RXRG: variants seen among roughly 807,000 people sequenced by gnomAD.
RXRG encodes retinoid X receptor gamma.
A neutral mutation model predicts 49.2 loss-of-function variants in RXRG; 19 were observed. The ratio of observed to expected loss-of-function variants is 0.39; its 90% CI spans 0.27 to 0.57. RXRG has a LOEUF of 0.57. RXRG is among the 20% of genes least tolerant of loss of function. RXRG has a pLI of 0.64. For synonymous variants in RXRG, 224 were observed against 216.6 expected (o/e 1.03, Z -0.30); for missense variants, 452 against 592.5 (o/e 0.76, Z 2.46).
intron 1 of RXRG, among the ~76,000 whole-genome samples, 187 bp from the exon 2 acceptor site, chr1:165,429,153 G>A (rs1658592515): frequency 6.6e-6 from 1 of 152,194 alleles, no homozygotes; most frequent in Non-Finnish European, 1.5e-5. Context: ...GAGGGACACA[G>A]AGGGGAGAGG....
chr1:165,412,166 C>T (rs1391538157), intron 4 of RXRG, among the ~76,000 whole-genome samples: 3 of 152,234 alleles, frequency 2.0e-5, no homozygotes, highest in Middle Eastern at 3.4e-3. Flanking sequence ...GGACTGGAAT[C>T]GCAATGCCGA....
At chr1:165,407,931 A>T (rs551259250) in intron 8 of RXRG, among the ~76,000 whole-genome samples, 2 of 151,886 alleles carry the variant, frequency 1.3e-5, no homozygotes, top group Non-Finnish European at 2.9e-5. Context: ...TCAGCAAATC[A>T]CAGTGGCTTT....
chr1:165,443,775 C>T (rs1659075756), intron 1 of RXRG, among the ~76,000 whole-genome samples: 3 of 152,232 alleles, frequency 2.0e-5, no homozygotes, highest in Non-Finnish European at 2.9e-5. Context: ...CCAGGGGGTT[C>T]TGCCCAGCCA....
chr1:165,413,022 C>T (rs894994877), intron 4 of RXRG, among the ~76,000 whole-genome samples: 9 of 152,180 alleles, frequency 5.9e-5, no homozygotes, highest in African/African-American at 1.4e-4. Context: ...TTGTAACACT[C>T]AAGGAAAATA....
intron 7 of RXRG, 74 bp downstream of exon 7, chr1:165,409,484 C>G: frequency 8.2e-7 from 1 of 1,222,246 alleles, no homozygotes; most frequent in Non-Finnish European, 1.0e-6. Flanking sequence ...TGTATGTACA[C>G]ATGTGTATAC....
intron 1 of RXRG, among the ~76,000 whole-genome samples, chr1:165,442,724 T>C (rs925169481): frequency 2.0e-5 from 3 of 152,240 alleles, no homozygotes; most frequent in Non-Finnish European, 2.9e-5. Context: ...AGCAAATATA[T>C]GGACAACACT....
intron 2 of RXRG, among the ~76,000 whole-genome samples, chr1:165,424,095 G>A (rs906521877): frequency 1.3e-5 from 2 of 152,278 alleles, no homozygotes; most frequent in South Asian, 2.1e-4. Context: ...TGACAAAGAT[G>A]CAGTATCAAA....
At chr1:165,439,644 TCCCCACTGAGGAAGCCAGAA>T (rs1457402724) in intron 1 of RXRG, among the ~76,000 whole-genome samples, 1 of 152,192 alleles carries the variant, frequency 6.6e-6, no homozygotes, top group Admixed American at 6.5e-5. Flanking sequence ...CCTTGATTTT[TCCCCACTGAGGAAGCCAGAA>T]AGGGCTTCCA....
intron 3 of RXRG, 23 bp from the exon 4 acceptor site, chr1:165,417,243 C>T: frequency 6.3e-7 from 1 of 1,575,958 alleles, no homozygotes; most frequent in East Asian, 2.3e-5. Context: ...AAAGAACATT[C>T]CATAGATTGT....
intron 6 of RXRG, 62 bp downstream of exon 6, chr1:165,410,640 T>C (rs1005917206): frequency 4.1e-5 from 66 of 1,598,942 alleles, no homozygotes; most frequent in Admixed American, 1.0e-4. Flanking sequence ...GGCTACTTTT[T>C]TTAGGATCCC....
intron 8 of RXRG, 50 bp from the exon 9 acceptor site, chr1:165,406,967 G>A (rs748465039): frequency 7.5e-7 from 1 of 1,340,688 alleles, no homozygotes; most frequent in South Asian, 1.2e-5. Context: ...TCCAGCAGAG[G>A]CTGTCCCCAT....
At chr1:165,430,841 C>T (rs963500778) in intron 1 of RXRG, among the ~76,000 whole-genome samples, 3 of 152,208 alleles carry the variant, frequency 2.0e-5, no homozygotes, top group Non-Finnish European at 4.4e-5. Flanking sequence ...TAACCCCATA[C>T]CATTTCCAGT....
intron 8 of RXRG, among the ~76,000 whole-genome samples, chr1:165,408,020 T>C (rs1324377332): frequency 6.6e-6 from 1 of 152,172 alleles, no homozygotes; most frequent in Non-Finnish European, 1.5e-5. Flanking sequence ...ATCTTTCATC[T>C]TCCCCACTTG....
In RXRG at chr1:165,444,860, G is replaced by A; in HGVS notation, c.34C>T (p.Pro12Ser). The A allele has an allele frequency of 6.2e-7, 1 of 1,614,142 alleles. No homozygotes were observed. The highest frequency in any genetic ancestry group is 1.1e-5 in the South Asian group (1 of 91,088). ...AGATACTTACCTCCATAGCCTGCGG[G>A]AAACTTCATGAAGTGAGAATAATTT... ...YGNYSHFMKF[P>S]AGYGGSPGHT... Residue 12 changes from proline (P) to serine (S), a missense_variant, in exon 1 of 10, where the codon CCC (proline) becomes TCC (serine). Pro to Ser is a moderately conservative substitution (Grantham distance 74). Transcript: ENST00000359842.
At chr1:165,432,300 G>A (rs181515202) in intron 1 of RXRG, among the ~76,000 whole-genome samples, 15 of 152,220 alleles carry the variant, frequency 9.9e-5, no homozygotes, top group African/African-American at 3.6e-4. Context: ...TATTTCTGTT[G>A]AGTCAATGAC....
At chr1:165,406,084 T>A (rs1363728676) in intron 9 of RXRG, among the ~76,000 whole-genome samples, 1 of 152,258 alleles carries the variant, frequency 6.6e-6, no homozygotes, top group Non-Finnish European at 1.5e-5. Context: ...TCATTTTAAC[T>A]GGCATTAGCA....
At chr1:165,437,802 G>A (rs1658861934) in intron 1 of RXRG, among the ~76,000 whole-genome samples, 1 of 152,188 alleles carries the variant, frequency 6.6e-6, no homozygotes, top group Admixed American at 6.5e-5. Context: ...TCGTTAGCAG[G>A]ATCCCCTGGA....
At chr1:165,415,729 G>T (rs1032628712) in intron 4 of RXRG, among the ~76,000 whole-genome samples, 3 of 152,204 alleles carry the variant, frequency 2.0e-5, no homozygotes, top group Non-Finnish European at 4.4e-5. Context: ...AAGACTGTGT[G>T]AGGAACAGGC....
At chr1:165,423,776 T>C (rs1390483677) in intron 2 of RXRG, among the ~76,000 whole-genome samples, 1 of 152,180 alleles carries the variant, frequency 6.6e-6, no homozygotes, top group Non-Finnish European at 1.5e-5. Context: ...TTTTATCTTA[T>C]GTGTATATCA....
Sources: gnomAD v4.1 joint callset for allele counts (sites outside exome capture counted in the v4.1 genomes callset) on GRCh38, gnomAD v4.1.1 for gene constraint, MANE v1.5 for transcripts, NCBI Gene and HGNC (gene_info 2026-07-23, HGNC 2026-07-21) for gene names.